DOCK9: variants seen among roughly 807,000 people sequenced by gnomAD.
The protein encoded by DOCK9 is dedicator of cytokinesis protein 9.
A neutral mutation model predicts 263.3 loss-of-function variants in DOCK9; 89 were observed. The observed-to-expected ratio is 0.34, with a 90% CI of 0.28 to 0.40. The LOEUF is 0.40. Ranked by LOEUF, DOCK9 falls within the 10% of genes least tolerant of loss-of-function variation. The pLI is 1.00. For synonymous variants in DOCK9, 976 were observed against 973.1 expected (o/e 1.00, Z -0.06); for missense variants, 2,140 against 2,603.4 (o/e 0.82, Z 3.87).
At chr13:98,947,457 C>A in intron 2 of DOCK9, among the ~76,000 whole-genome samples, 1 of 148,118 alleles carries the variant, frequency 6.8e-6, no homozygotes, top group African/African-American at 2.5e-5. Context: ...ATTACTTGAA[C>A]TAGAATTAAA....
intron 2 of DOCK9, among the ~76,000 whole-genome samples, chr13:98,945,916 G>T (rs2056638525): frequency 6.6e-6 from 1 of 152,194 alleles, no homozygotes; most frequent in Non-Finnish European, 1.5e-5. Flanking sequence ...CCAAAGAGGG[G>T]TGGAGCTGTA....
Position 99,021,508 on chromosome 13 carries a change from G to A in DOCK9, c.129+64715C>T, listed in dbSNP as rs1013135396. 2.9e-4 allele frequency among the ~76,000 whole-genome samples: 44 copies of A among 151,926 alleles called. 1 individual carries two copies. Among genetic ancestry groups the A allele is most frequent in the African/African-American group, 8.2e-4 (34 of 41,450 alleles). Reference sequence around the variant, plus strand: ...CAAAAAATTAGCCGGGCGTGGTGGCGGGCGCCTGTAGTCCCAGCTACTCGG... The same window carrying A: ...CAAAAAATTAGCCGGGCGTGGTGGCAGGCGCCTGTAGTCCCAGCTACTCGG... On this transcript the variant is annotated intron_variant, in intron 1 of 32. Coordinates refer to the DOCK9 transcript ENST00000427887.
intron 1 of DOCK9, among the ~76,000 whole-genome samples, chr13:99,008,524 G>A (rs572645354): frequency 4.6e-5 from 7 of 152,172 alleles, no homozygotes; most frequent in South Asian, 2.1e-4. Flanking sequence ...GTGAGCCACC[G>A]CGCCCGGCCC....
chr13:99,004,698 G>C lies in DOCK9; in HGVS notation c.130-49147C>G, dbSNP rs565910684. On this transcript the variant is annotated intron_variant, in intron 1 of 32. Transcript: ENST00000427887. ...CTGATTGAAACGTATCCTAGGATGA[G>C]GTCATTCATTGTTCATTGACATTTG... Among the ~76,000 whole-genome samples, 5 of 152,128 alleles carry C rather than the reference G, an allele frequency of 3.3e-5. No individual in the cohort carries two copies. The East Asian group carries it at 9.7e-4, about 29-fold the overall frequency.
intron 45 of DOCK9, among the ~76,000 whole-genome samples, chr13:98,820,833 T>C (rs1318241895): frequency 6.6e-6 from 1 of 152,190 alleles, no homozygotes; most frequent in East Asian, 1.9e-4. Flanking sequence ...TCAGAATGCC[T>C]GACCTTCTGG....
intron 43 of DOCK9, among the ~76,000 whole-genome samples, chr13:98,828,141 G>A (rs1459175186): frequency 6.6e-6 from 1 of 152,210 alleles, no homozygotes; most frequent in African/African-American, 2.4e-5. Flanking sequence ...AGAGCTCAGG[G>A]ACAGGCATGG....
chr13:98,902,858 T>C (rs1371328075), intron 11 of DOCK9, 114 bp downstream of exon 11: 14 of 1,032,866 alleles, frequency 1.4e-5, no homozygotes, highest in Non-Finnish European at 1.9e-5. Flanking sequence ...ATCCAAACAC[T>C]GCACCTCTTT....
chr13:98,897,758 T>C (rs537562577), intron 14 of DOCK9, 148 bp from the exon 15 acceptor site: 5 of 1,169,176 alleles, frequency 4.3e-6, no homozygotes, highest in East Asian at 4.7e-5. Flanking sequence ...ATGGAAAACA[T>C]CTATGGGGAT....
chr13:98,977,999 G>A lies in DOCK9; in HGVS notation c.-90C>T, dbSNP rs1567160204. The A allele has an allele frequency of 5.5e-6, 8 of 1,466,416 alleles. No individual in the cohort carries two copies. Among genetic ancestry groups the A allele is most frequent in the Non-Finnish European group, 9.0e-7 (1 of 1,109,898 alleles). 90.8% of individuals were successfully genotyped at this position (1,466,416 alleles called of 1,614,324 possible). On this transcript the variant is annotated 5_prime_UTR_variant, in exon 1 of 53. Transcript: ENST00000682017. Reference sequence around the variant, plus strand: ...AGGCACAGGCATGCCAGTGGTCCAAGGAAGGAAAGGAAACTGGCTTCCCAG... The same window carrying A: ...AGGCACAGGCATGCCAGTGGTCCAAAGAAGGAAAGGAAACTGGCTTCCCAG...
chr13:98,951,903 C>CTTGTTTTTTTTTTTT (rs766422212), intron 2 of DOCK9, among the ~76,000 whole-genome samples: 3 of 134,892 alleles, frequency 2.2e-5, no homozygotes, highest in African/African-American at 8.3e-5. Flanking sequence ...TTAATATTCC[C>CTTGTTTTTTTTTTTT]TTTTTTTTTT....
At position 98,859,751 on chromosome 13, in the gene DOCK9, G is replaced by GTATATATATATATA. The variant is rs544974823; in HGVS notation, c.3697+653_3697+654insTATATATATATATA. The GTATATATATATATA allele has an allele frequency of 5.6e-3, 784 of 139,248 alleles. 11 individuals are homozygous for GTATATATATATATA. The highest frequency in any genetic ancestry group is 0.027 in the Middle Eastern group (7 of 260). The allele number at this position is 139,248 out of a possible 1,614,324, so 8.6% of individuals were successfully genotyped here. ...TGTTTGTGTGTGTGTGTGTGTGTGT[G>GTATATATATATATA]TGTATATATATATATATATATGTAA... On this transcript the variant is annotated intron_variant, in intron 33 of 52. Transcript: ENST00000682017.
chr13:99,067,861 G>A (rs1226593462), intron 1 of DOCK9, among the ~76,000 whole-genome samples: 1 of 144,838 alleles, frequency 6.9e-6, no homozygotes, highest in East Asian at 2.0e-4. Context: ...CACATTGTAA[G>A]GACAGAAGCT....
chr13:99,026,324 A>G (rs1003023150), intron 1 of DOCK9, among the ~76,000 whole-genome samples: 1 of 152,240 alleles, frequency 6.6e-6, no homozygotes, highest in African/African-American at 2.4e-5. Flanking sequence ...GACAGCACAT[A>G]TCAGAGGGTA....
At chr13:98,951,005 A>G (rs759947597) in intron 2 of DOCK9, among the ~76,000 whole-genome samples, 5 of 152,214 alleles carry the variant, frequency 3.3e-5, no homozygotes, top group Non-Finnish European at 7.3e-5. Flanking sequence ...GAGGCTCATC[A>G]TGTCTTAAGC....
intron 27 of DOCK9, among the ~76,000 whole-genome samples, chr13:98,872,967 C>G (rs577320924): frequency 6.6e-6 from 1 of 152,344 alleles, no homozygotes; most frequent in South Asian, 2.1e-4. Flanking sequence ...GGAAAGGAAG[C>G]TGCAGCAGGC....
At chr13:98,868,510 C>A in intron 27 of DOCK9, 133 bp from the exon 28 acceptor site, 1 of 1,064,252 alleles carries the variant, frequency 9.4e-7, no homozygotes, top group Non-Finnish European at 1.3e-6. Context: ...ACACTTGTAA[C>A]CCCAGCACTT....
At chr13:98,999,107 G>A (rs1467621866) in intron 1 of DOCK9, among the ~76,000 whole-genome samples, 1 of 152,156 alleles carries the variant, frequency 6.6e-6, no homozygotes, top group Non-Finnish European at 1.5e-5. Context: ...AGAGTCACTG[G>A]CAATGGAGGC....
chr13:98,950,015 C>T, intron 2 of DOCK9: 1 of 484,180 alleles, frequency 2.1e-6, no homozygotes, highest in South Asian at 1.7e-5. Context: ...CTTGGACAGA[C>T]TTTAGATTGG....
At chr13:99,077,232 C>T (rs1016859331) in intron 1 of DOCK9, among the ~76,000 whole-genome samples, 2 of 152,144 alleles carry the variant, frequency 1.3e-5, no homozygotes, top group African/African-American at 4.8e-5. Flanking sequence ...GATCCTATCC[C>T]CTATGATATG....
Sources: allele counts gnomAD v4.1 joint callset (sites outside exome capture counted in the v4.1 genomes callset), GRCh38; gene constraint gnomAD v4.1.1; transcripts MANE v1.5; gene names NCBI Gene and HGNC (gene_info 2026-07-23, HGNC 2026-07-21).